CDH9: variants seen among roughly 807,000 people sequenced by gnomAD.
CDH9 encodes the protein cadherin 9, also known as cadherin-9.
CDH9 carries 28 observed loss-of-function variants against 70.9 expected under a neutral mutation model. The observed-to-expected ratio is 0.40, with a 90% CI of 0.29 to 0.54. The LOEUF is 0.54. Ranked by LOEUF, CDH9 falls within the 20% of genes least tolerant of loss-of-function variation. The probability of loss-of-function intolerance (pLI) is 0.59; values close to 1 mark genes in which losing one functional copy is unlikely to be tolerated. For synonymous variants in CDH9, 409 were observed against 343.1 expected, an observed-to-expected ratio of 1.19 and a Z score of -2.12; for missense variants, 874 against 984.4, an observed-to-expected ratio of 0.89 and a Z score of 1.50.
At chr5:26,963,306 C>A (rs1228511943) in intron 2 of CDH9, among the ~76,000 whole-genome samples, 1 of 152,108 alleles carries the variant, frequency 6.6e-6, no homozygotes, top group Non-Finnish European at 1.5e-5. Flanking sequence ...GCTTCTGGCT[C>A]TAATCCCCTT....
At chr5:27,017,705 C>T (rs552698206) in intron 1 of CDH9, among the ~76,000 whole-genome samples, 7 of 152,050 alleles carry the variant, frequency 4.6e-5, no homozygotes, top group African/African-American at 1.7e-4. Context: ...CATAAATCAA[C>T]GGAAGACCCA....
intron 2 of CDH9, among the ~76,000 whole-genome samples, chr5:26,936,680 G>T (rs1036143432): frequency 3.9e-5 from 6 of 152,034 alleles, no homozygotes; most frequent in African/African-American, 1.4e-4. Flanking sequence ...GTGTGGTACT[G>T]GTGAATAAGT....
At chr5:26,972,303 G>A (rs1382667274) in intron 2 of CDH9, among the ~76,000 whole-genome samples, 1 of 152,128 alleles carries the variant, frequency 6.6e-6, no homozygotes, top group South Asian at 2.1e-4. Context: ...TTGGAGTTTG[G>A]AAGAGAAATC....
intron 1 of CDH9, among the ~76,000 whole-genome samples, chr5:27,004,110 G>GAAAA (rs59593576): frequency 9.4e-6 from 1 of 106,620 alleles, no homozygotes. Flanking sequence ...ATGCCTCTCT[G>GAAAA]AAAAAAAAAA....
chr5:26,984,182 A>T (rs906812669), intron 2 of CDH9, among the ~76,000 whole-genome samples: 1 of 152,162 alleles, frequency 6.6e-6, no homozygotes, highest in East Asian at 1.9e-4. Flanking sequence ...CTAAATTAAA[A>T]TTATAAAGAC....
intron 1 of CDH9, among the ~76,000 whole-genome samples, chr5:27,019,500 A>G (rs1743100906): frequency 1.3e-5 from 2 of 151,996 alleles, no homozygotes; most frequent in Admixed American, 1.3e-4. Context: ...AGAAAATATT[A>G]GCAAATTATC....
At chr5:26,928,435 A>G (rs2112020841) in intron 2 of CDH9, among the ~76,000 whole-genome samples, 1 of 152,072 alleles carries the variant, frequency 6.6e-6, no homozygotes, top group East Asian at 1.9e-4. Context: ...CAATACACAG[A>G]GTCAATGTAA....
rs1420188139 is a variant in CDH9, at chr5:26,915,610, A to G, written c.523+20T>C. On this transcript the variant is annotated intron_variant, in intron 3 of 11. Coordinates refer to ENST00000231021, the MANE Select transcript of CDH9 (RefSeq NM_016279.4). ...AACAAACAAATAAAAAGTAGTTTAC[A>G]TGGATTAGAATATACCTACCGACTC... The G allele has an allele frequency of 1.4e-6, 2 of 1,421,130 alleles. No homozygotes were observed. The highest frequency in any genetic ancestry group is 9.9e-7 in the Non-Finnish European group (1 of 1,010,734). 88.0% of individuals were successfully genotyped at this position (1,421,130 alleles called of 1,614,324 possible).
At chr5:26,933,301 T>C (rs1741496578) in intron 2 of CDH9, among the ~76,000 whole-genome samples, 1 of 151,576 alleles carries the variant, frequency 6.6e-6, no homozygotes, top group African/African-American at 2.4e-5. Flanking sequence ...GCTGACACTT[T>C]GATCTTGGAC....
At chr5:26,927,894 G>A (rs1741372479) in intron 2 of CDH9, among the ~76,000 whole-genome samples, 1 of 151,966 alleles carries the variant, frequency 6.6e-6, no homozygotes, top group Admixed American at 6.6e-5. Context: ...GGCCCCCACA[G>A]CACAAACATT....
intron 3 of CDH9, among the ~76,000 whole-genome samples, chr5:26,911,075 G>T (rs935753268): frequency 1.3e-5 from 2 of 152,090 alleles, no homozygotes; most frequent in African/African-American, 4.8e-5. Context: ...TATCTAGTTT[G>T]TTCAACACTT....
chr5:26,922,902 T>C (rs2112013988), intron 2 of CDH9, among the ~76,000 whole-genome samples: 1 of 151,500 alleles, frequency 6.6e-6, no homozygotes, highest in South Asian at 2.1e-4. Flanking sequence ...TGCTTGTTTG[T>C]TTATGCAGTT....
intron 9 of CDH9, among the ~76,000 whole-genome samples, chr5:26,887,491 A>G (rs1039667519): frequency 6.6e-6 from 1 of 150,552 alleles, no homozygotes; most frequent in Non-Finnish European, 1.5e-5. Context: ...TATTAATTAT[A>G]CTTAATTTCT....
At chr5:26,949,605 C>A (rs116395122) in intron 2 of CDH9, among the ~76,000 whole-genome samples, 178 of 152,242 alleles carry the variant, frequency 1.2e-3, no homozygotes, top group African/African-American at 4.1e-3. Flanking sequence ...CATCATGCCA[C>A]AGCAACAACA....
intron 2 of CDH9, among the ~76,000 whole-genome samples, chr5:26,942,985 A>G (rs1741688538): frequency 6.6e-6 from 1 of 152,180 alleles, no homozygotes; most frequent in Non-Finnish European, 1.5e-5. Flanking sequence ...GAAGAAATAC[A>G]ATTTTAAAGG....
chr5:26,990,126 T>C (rs1313400012), intron 1 of CDH9, among the ~76,000 whole-genome samples: 2 of 152,022 alleles, frequency 1.3e-5, no homozygotes, highest in Non-Finnish European at 2.9e-5. Context: ...CTCAACATAT[T>C]AGCATTATCA....
At chr5:26,906,938 C>T (rs12188147) in intron 3 of CDH9, 100 bp from the exon 4 acceptor site, 40,364 of 1,365,240 alleles carry the variant, frequency 0.03, 703 homozygotes, top group Non-Finnish European at 0.034. Context: ...TTGTATTAGA[C>T]GATGTTGTAT....
At chr5:26,897,511 C>A (rs2111981522) in intron 7 of CDH9, among the ~76,000 whole-genome samples, 1 of 152,214 alleles carries the variant, frequency 6.6e-6, no homozygotes, top group South Asian at 2.1e-4. Context: ...AAGACTGGTT[C>A]AATATGCATA....
chr5:27,015,308 A>T (rs1024640342), intron 1 of CDH9, among the ~76,000 whole-genome samples: 1 of 151,868 alleles, frequency 6.6e-6, no homozygotes, highest in South Asian at 2.1e-4. Flanking sequence ...ATATTTATTA[A>T]GACTTTTTTT....
Sources: allele counts gnomAD v4.1 joint callset (sites outside exome capture counted in the v4.1 genomes callset), GRCh38; gene constraint gnomAD v4.1.1; transcripts MANE v1.5; gene names NCBI Gene and HGNC (gene_info 2026-07-23, HGNC 2026-07-21).